ATG4C: variants seen among roughly 807,000 people sequenced by gnomAD.
ATG4C encodes the protein autophagy related 4C cysteine peptidase, also known as cysteine protease ATG4C.
A neutral mutation model predicts 57.6 loss-of-function variants in ATG4C; 56 were observed. The ratio of observed to expected loss-of-function variants is 0.97; its 90% CI spans 0.78 to 1.21. The LOEUF (loss-of-function observed/expected upper bound fraction) is 1.21. Ranked by LOEUF, ATG4C falls within the 50% of genes most tolerant of loss-of-function variation. The probability of loss-of-function intolerance (pLI) is 0.00; values close to 1 mark genes in which losing one functional copy is unlikely to be tolerated. For synonymous variants in ATG4C, 157 were observed against 174.1 expected (o/e 0.90, Z 0.78); for missense variants, 595 against 529.8 (o/e 1.12, Z -1.21).
chr1:62,842,959 G>C (rs1220987764), intron 10 of ATG4C, among the ~76,000 whole-genome samples: 1 of 152,072 alleles, frequency 6.6e-6, no homozygotes, highest in Non-Finnish European at 1.5e-5. Context: ...AAAGTATCAT[G>C]TATATGCTAA....
intron 10 of ATG4C, among the ~76,000 whole-genome samples, chr1:62,843,436 G>A (rs2100347869): frequency 6.6e-6 from 1 of 152,172 alleles, no homozygotes; most frequent in South Asian, 2.1e-4. Flanking sequence ...TTGCCTGGAA[G>A]GTTATAAGTT....
intron 9 of ATG4C, among the ~76,000 whole-genome samples, chr1:62,837,709 G>T (rs1666038660): frequency 6.6e-6 from 1 of 152,124 alleles, no homozygotes; most frequent in African/African-American, 2.4e-5. Context: ...CATCTAGATT[G>T]GATGAGTGAA....
At chr1:62,834,623 T>G (rs1215843423) in intron 8 of ATG4C, among the ~76,000 whole-genome samples, 153 bp from the exon 9 acceptor site, 1 of 152,062 alleles carries the variant, frequency 6.6e-6, no homozygotes, top group Admixed American at 6.6e-5. Context: ...AGTTAATCTA[T>G]CCTGTGCAAA....
At chr1:62,850,436 A>G (rs1666469497) in intron 10 of ATG4C, among the ~76,000 whole-genome samples, 1 of 152,104 alleles carries the variant, frequency 6.6e-6, no homozygotes, top group Non-Finnish European at 1.5e-5. Context: ...TTTTTAAAGA[A>G]CCTTACAGTA....
rs762009826 is a variant in ATG4C, at chr1:62,819,192, A to G, written c.582A>G (p.Glu194=). Reference sequence around the variant, plus strand: ...CTGATGATCATGAAATGCGAAATGAAGTTTATCATAGGAAAATCATCTCTT... The same window carrying G: ...CTGATGATCATGAAATGCGAAATGAGGTTTATCATAGGAAAATCATCTCTT... ...KYSDDHEMRN[E]VYHRKIISWF... The change falls in exon 5 of 11, where the codon GAA becomes GAG. Residue 194 remains glutamate (E), a synonymous_variant. Coordinates refer to ENST00000317868, the MANE Select transcript of ATG4C (RefSeq NM_032852.4). 2 of 1,613,642 alleles carry G rather than the reference A, an allele frequency of 1.2e-6. No individual in the cohort carries two copies. The highest frequency in any genetic ancestry group is 1.7e-6 in the Non-Finnish European group (2 of 1,179,740).
At chr1:62,814,937 T>G (rs1665216502) in intron 3 of ATG4C, among the ~76,000 whole-genome samples, 1 of 152,196 alleles carries the variant, frequency 6.6e-6, no homozygotes, top group Admixed American at 6.5e-5. Flanking sequence ...TTGTGGTGCA[T>G]GCGTGCAATC....
intron 10 of ATG4C, among the ~76,000 whole-genome samples, chr1:62,847,635 A>G (rs1014981293): frequency 1.3e-5 from 2 of 152,318 alleles, no homozygotes; most frequent in South Asian, 4.1e-4. Flanking sequence ...CTTTCTAATC[A>G]TAATGGACCT....
intron 10 of ATG4C, among the ~76,000 whole-genome samples, chr1:62,855,179 T>C (rs1046976631): frequency 6.6e-6 from 1 of 152,130 alleles, no homozygotes; most frequent in African/African-American, 2.4e-5. Context: ...CATGACGTCT[T>C]TGGCCGTTCT....
chr1:62,807,792 C>T (rs570073110), intron 3 of ATG4C, among the ~76,000 whole-genome samples: 2 of 151,466 alleles, frequency 1.3e-5, no homozygotes, highest in Admixed American at 6.5e-5. Flanking sequence ...TTCTGTGAGT[C>T]ATCACAGCAA....
intron 10 of ATG4C, among the ~76,000 whole-genome samples, chr1:62,863,095 TA>T (rs1246510270): frequency 5.3e-5 from 8 of 152,042 alleles, no homozygotes; most frequent in Non-Finnish European, 1.2e-4. Context: ...AAGTTTTGAA[TA>T]GAACTTGTTT....
intron 10 of ATG4C, among the ~76,000 whole-genome samples, chr1:62,863,341 T>C (rs981824294): frequency 1.7e-4 from 26 of 152,048 alleles, no homozygotes; most frequent in African/African-American, 6.0e-4. Flanking sequence ...AGGGAATCTT[T>C]GAAAAGACCA....
intron 6 of ATG4C, among the ~76,000 whole-genome samples, chr1:62,822,638 A>T (rs575132987): frequency 5.9e-5 from 9 of 152,336 alleles, no homozygotes; most frequent in African/African-American, 2.2e-4. Flanking sequence ...TAAAGGGAGA[A>T]CTTGTATTTG....
At chr1:62,822,834 A>G (rs943781494) in intron 6 of ATG4C, among the ~76,000 whole-genome samples, 3 of 152,084 alleles carry the variant, frequency 2.0e-5, no homozygotes, top group Non-Finnish European at 4.4e-5. Context: ...ACTTAGGACT[A>G]TGTACTCTAT....
At chr1:62,857,268 C>T (rs2100364787) in intron 10 of ATG4C, among the ~76,000 whole-genome samples, 1 of 152,286 alleles carries the variant, frequency 6.6e-6, no homozygotes, top group Admixed American at 6.5e-5. Context: ...TGAGCTCTGC[C>T]TCCTGTCAGA....
Position 62,803,754 on chromosome 1 carries a change from A to G in ATG4C, c.-33A>G, listed in dbSNP as rs1300492070. 2.7e-6 allele frequency: 4 copies of G among 1,501,578 alleles called. No homozygotes were observed. Among genetic ancestry groups the G allele is most frequent in the Middle Eastern group, 1.7e-4 (1 of 5,762 alleles). 93.0% of individuals were successfully genotyped at this position (1,501,578 alleles called of 1,614,324 possible). ...AGATTAAACTCTACAGAAGAATGCA[A>G]TCAAGTGATGGCTTTTCCTTTAGAA... On this transcript the variant is annotated 5_prime_UTR_variant, in exon 2 of 11. Transcript: ENST00000317868.
chr1:62,829,277 G>A (rs1437363028), intron 7 of ATG4C, 101 bp downstream of exon 7: 6 of 1,319,218 alleles, frequency 4.5e-6, no homozygotes, highest in Non-Finnish European at 5.3e-6. Context: ...TGATGATTTT[G>A]TAGTTGTACG....
rs140122714 is a variant in ATG4C, at chr1:62,793,908, C to T, written c.-69+9635C>T. ...CTATCTCTATATAAGAGGTTAACACCGTGAGTTAATATTAAGAGCTTGGAA... is the reference window on the plus strand; with the variant it reads ...CTATCTCTATATAAGAGGTTAACACTGTGAGTTAATATTAAGAGCTTGGAA... On this transcript the variant is annotated intron_variant, in intron 1 of 10. Coordinates refer to ENST00000317868, the MANE Select transcript of ATG4C (RefSeq NM_032852.4). Among the ~76,000 whole-genome samples the T allele has an allele frequency of 2.8e-3, 428 of 152,078 alleles. 5 individuals are homozygous for T. The highest frequency in any genetic ancestry group is 9.9e-3 in the African/African-American group (412 of 41,478).
rs554080775 is a variant in ATG4C at position 62,803,750 on chromosome 1, T to G, written c.-37T>G. ...TAAAAGATTAAACTCTACAGAAGAA[T>G]GCAATCAAGTGATGGCTTTTCCTTT... On this transcript the variant is annotated 5_prime_UTR_variant, in exon 2 of 11. An upstream start codon of the reference 5' UTR is lost. Coordinates refer to ENST00000317868, the MANE Select transcript of ATG4C (RefSeq NM_032852.4). 1.4e-6 allele frequency: 2 copies of G among 1,417,298 alleles called. No individual in the cohort carries two copies. The highest frequency in any genetic ancestry group is 2.3e-5 in the East Asian group (1 of 43,338). 87.8% of individuals were successfully genotyped at this position (1,417,298 alleles called of 1,614,324 possible).
Position 62,829,194 on chromosome 1 carries a change from A to T in ATG4C, c.933+18A>T. ...TTGTGAAGGTATGAAATAAGTGCTG[A>T]ACTTTTTTAGGGCAATACTAGCTAA... On this transcript the variant is annotated intron_variant, in intron 7 of 10. Transcript: ENST00000317868. The T allele has an allele frequency of 6.2e-7, 1 of 1,610,800 alleles. No homozygotes were observed.
Sources: gnomAD v4.1 joint callset for allele counts (sites outside exome capture counted in the v4.1 genomes callset) on GRCh38, gnomAD v4.1.1 for gene constraint, MANE v1.5 for transcripts, NCBI Gene and HGNC (gene_info 2026-07-23, HGNC 2026-07-21) for gene names.